OR10J1: variants seen among roughly 807,000 people sequenced by gnomAD.
OR10J1 encodes olfactory receptor 10J1.
For synonymous variants in OR10J1, 202 were observed against 143.8 expected, an observed-to-expected ratio of 1.40 and a Z score of -2.89; for missense variants, 474 against 376.6, an observed-to-expected ratio of 1.26 and a Z score of -2.14.
At chr1:159,416,615 T>C in the OR10J1 span, among the ~76,000 whole-genome samples, 3 of 151,940 alleles carry the variant, frequency 2.0e-5, no homozygotes, top group African/African-American at 7.2e-5. Context: ...TTAGAGAAAA[T>C]TTTCTCTTTT....
the OR10J1 span, among the ~76,000 whole-genome samples, chr1:159,402,798 GC>G: frequency 2.7e-4 from 41 of 152,032 alleles, no homozygotes; most frequent in African/African-American, 9.9e-4. Context: ...ACTCAGAATA[GC>G]CAAAGCTAGC....
At chr1:159,437,892 C>T (rs1020360292), upstream of OR10J1, 17 of 152,918 alleles carry the variant, frequency 1.1e-4, no homozygotes, top group Non-Finnish European at 2.3e-4. Context: ...TGCTCAGCCT[C>T]AGGTCCTGCC....
At chr1:159,409,417 C>A in the OR10J1 span, among the ~76,000 whole-genome samples, 1 of 151,184 alleles carries the variant, frequency 6.6e-6, no homozygotes, top group African/African-American at 2.5e-5. Context: ...ATTCCACTTT[C>A]TTTTTAATTA....
chr1:159,418,408 A>G, the OR10J1 span, among the ~76,000 whole-genome samples: 1 of 152,276 alleles, frequency 6.6e-6, no homozygotes, highest in East Asian at 1.9e-4. Context: ...GCCATGGTTA[A>G]AAGGGACCAA....
At chr1:159,433,015 C>A, upstream of OR10J1, 1 of 442,582 alleles carries the variant, frequency 2.3e-6, no homozygotes, top group Non-Finnish European at 4.0e-6. Flanking sequence ...CCCTGCAGGA[C>A]AGACTTATCT....
At chr1:159,427,219 A>G in the OR10J1 span, among the ~76,000 whole-genome samples, 6 of 151,930 alleles carry the variant, frequency 3.9e-5, no homozygotes, top group African/African-American at 9.7e-5. Context: ...ACTGCTTTAT[A>G]TATTTACTGG....
upstream of OR10J1, among the ~76,000 whole-genome samples, chr1:159,438,888 T>C (rs1157134067): frequency 1.3e-5 from 2 of 152,224 alleles, no homozygotes; most frequent in East Asian, 3.8e-4. Context: ...TTTTTTTATA[T>C]TCAGGGTTTG....
At position 159,440,349 on chromosome 1, in the gene OR10J1, C is replaced by T; in HGVS notation, c.558C>T (p.Leu186=). ...GTGACATCCGCCCTGTGATGAAGCT[C>T]TCCTGCATTGACACCACTGTCAATG... ...FFCDIRPVMK[L]SCIDTTVNEI... The change falls in exon 1 of 1, where the codon CTC becomes CTT. Residue 186 remains leucine (L), a synonymous_variant. Coordinates refer to ENST00000423932, the MANE Select transcript of OR10J1 (RefSeq NM_012351.3). 1 of 1,614,180 alleles carries T rather than the reference C, an allele frequency of 6.2e-7. No individual in the cohort carries two copies. Among genetic ancestry groups the T allele is most frequent in the Non-Finnish European group, 8.5e-7 (1 of 1,180,028 alleles).
At chr1:159,416,822 G>T in the OR10J1 span, among the ~76,000 whole-genome samples, 2 of 151,906 alleles carry the variant, frequency 1.3e-5, no homozygotes, top group African/African-American at 4.8e-5. Flanking sequence ...GGTGATATGA[G>T]TCTAGAAATT....
chr1:159,432,930 C>T, upstream of OR10J1: 1 of 429,618 alleles, frequency 2.3e-6, no homozygotes, highest in Non-Finnish European at 4.2e-6. Flanking sequence ...GCTACTTGTG[C>T]CTCACACCTC....
At chr1:159,401,550 A>C in the OR10J1 span, among the ~76,000 whole-genome samples, 3 of 151,980 alleles carry the variant, frequency 2.0e-5, no homozygotes, top group Non-Finnish European at 4.4e-5. Context: ...GATTGAACCA[A>C]GAAGAAATAA....
chr1:159,400,277 A>G, the OR10J1 span, among the ~76,000 whole-genome samples: 1 of 152,012 alleles, frequency 6.6e-6, no homozygotes, highest in Non-Finnish European at 1.5e-5. Context: ...GTGAAAATAC[A>G]TTGACTGACT....
At chr1:159,429,711 G>T in the OR10J1 span, among the ~76,000 whole-genome samples, 1 of 152,128 alleles carries the variant, frequency 6.6e-6, no homozygotes, top group East Asian at 1.9e-4. Context: ...CAGGAGAATG[G>T]TCCTCTTGGG....
chr1:159,430,675 G>GCA, the OR10J1 span, among the ~76,000 whole-genome samples: 22 of 149,266 alleles, frequency 1.5e-4, no homozygotes, highest in Admixed American at 8.6e-4. Context: ...GTGTGCGCGC[G>GCA]CGCACATGTT....
the OR10J1 span, among the ~76,000 whole-genome samples, chr1:159,400,176 C>T: frequency 4.0e-5 from 6 of 151,584 alleles, no homozygotes; most frequent in Non-Finnish European, 7.4e-5. Flanking sequence ...GCACATGTAC[C>T]CTAAAACTTA....
chr1:159,409,514 C>G, the OR10J1 span, among the ~76,000 whole-genome samples: 1 of 152,036 alleles, frequency 6.6e-6, no homozygotes. Flanking sequence ...GACTTACCTG[C>G]CTCTTCCAAC....
chr1:159,431,218 C>T, the OR10J1 span, among the ~76,000 whole-genome samples: 1 of 152,168 alleles, frequency 6.6e-6, no homozygotes, highest in African/African-American at 2.4e-5. Flanking sequence ...CTGGACTATC[C>T]ACACGGGAGA....
chr1:159,417,013 A>G, the OR10J1 span, among the ~76,000 whole-genome samples: 2 of 151,598 alleles, frequency 1.3e-5, no homozygotes, highest in African/African-American at 2.4e-5. Context: ...GATTTTGTTT[A>G]TCTATTAAAA....
At chr1:159,423,955 A>T in the OR10J1 span, among the ~76,000 whole-genome samples, 1 of 152,070 alleles carries the variant, frequency 6.6e-6, no homozygotes, top group South Asian at 2.1e-4. Flanking sequence ...GCCACACTAC[A>T]TCTGTAATCC....
Sources: gnomAD v4.1 joint callset for allele counts (sites outside exome capture counted in the v4.1 genomes callset) on GRCh38, gnomAD v4.1.1 for gene constraint, MANE v1.5 for transcripts, NCBI Gene and HGNC (gene_info 2026-07-23, HGNC 2026-07-21) for gene names.